The following RBM20 variants were observed in gnomAD, a reference collection of about 807,000 sequenced individuals.
RBM20 encodes the protein RNA binding motif protein 20.
In RBM20, 51 loss-of-function variants were observed where a neutral mutation model predicts 110.1. The observed-to-expected ratio is 0.46, with a 90% CI of 0.37 to 0.59. RBM20 has a LOEUF of 0.59. RBM20 is among the 20% of genes least tolerant of loss of function. RBM20 has a pLI of 0.00. For synonymous variants in RBM20, 589 were observed against 618.2 expected, an observed-to-expected ratio of 0.95 and a Z score of 0.70; for missense variants, 1,512 against 1,574.9, an observed-to-expected ratio of 0.96 and a Z score of 0.68.
At chr10:110,718,500 T>C (rs559802866) in intron 1 of RBM20, among the ~76,000 whole-genome samples, 2 of 152,210 alleles carry the variant, frequency 1.3e-5, no homozygotes, top group South Asian at 4.1e-4. Flanking sequence ...AGATAGTTTG[T>C]TTTATTTTTT....
chr10:110,792,259 G>T (rs576107784), intron 5 of RBM20, among the ~76,000 whole-genome samples: 4 of 151,960 alleles, frequency 2.6e-5, no homozygotes, highest in Non-Finnish European at 5.9e-5. Context: ...TGGTGACATT[G>T]TACCTCTTCA....
At chr10:110,748,237 G>C (rs997114150) in intron 1 of RBM20, among the ~76,000 whole-genome samples, 2 of 152,182 alleles carry the variant, frequency 1.3e-5, no homozygotes, top group African/African-American at 2.4e-5. Flanking sequence ...CTAACCAAAA[G>C]AATGTGGGAA....
intron 1 of RBM20, among the ~76,000 whole-genome samples, chr10:110,700,734 G>A (rs1862744748): frequency 6.6e-6 from 1 of 152,104 alleles, no homozygotes; most frequent in Non-Finnish European, 1.5e-5. Flanking sequence ...ACCCTCTTTG[G>A]GCCAGGCACG....
intron 10 of RBM20, 71 bp from the exon 11 acceptor site, chr10:110,821,204 G>A (rs1844904219): frequency 1.5e-6 from 2 of 1,320,300 alleles, no homozygotes; most frequent in Non-Finnish European, 2.1e-6. Context: ...TGGTCCTTAT[G>A]GCCAAGTCTT....
At chr10:110,805,763 G>A (rs1391951460) in intron 7 of RBM20, among the ~76,000 whole-genome samples, 2 of 152,186 alleles carry the variant, frequency 1.3e-5, no homozygotes, top group African/African-American at 4.8e-5. Context: ...GGACTGCATG[G>A]GGCTTGGAAT....
intron 1 of RBM20, among the ~76,000 whole-genome samples, chr10:110,693,928 C>A (rs1237157011): frequency 6.6e-6 from 1 of 152,166 alleles, no homozygotes; most frequent in Non-Finnish European, 1.5e-5. Context: ...TGGTCCTTAG[C>A]CCATTTAATT....
At chr10:110,756,195 G>A (rs1249322549) in intron 1 of RBM20, among the ~76,000 whole-genome samples, 3 of 152,200 alleles carry the variant, frequency 2.0e-5, no homozygotes, top group Non-Finnish European at 4.4e-5. Flanking sequence ...AACCTTGAGT[G>A]TTAAGAATGA....
chr10:110,725,020 A>G (rs1224161567), intron 1 of RBM20, among the ~76,000 whole-genome samples: 1 of 152,196 alleles, frequency 6.6e-6, no homozygotes, highest in Non-Finnish European at 1.5e-5. Flanking sequence ...GGACTGTGAT[A>G]AACACTGTCA....
intron 1 of RBM20, among the ~76,000 whole-genome samples, chr10:110,697,534 T>C (rs1361479824): frequency 6.6e-6 from 1 of 152,268 alleles, no homozygotes; most frequent in Non-Finnish European, 1.5e-5. Context: ...GGCAGAGGGA[T>C]TGAGGTATTG....
At chr10:110,814,774 G>A (rs994438827) in intron 9 of RBM20, among the ~76,000 whole-genome samples, 1 of 152,186 alleles carries the variant, frequency 6.6e-6, no homozygotes, top group Non-Finnish European at 1.5e-5. Flanking sequence ...GATTACAGGC[G>A]TGAGCCGCCG....
intron 1 of RBM20, among the ~76,000 whole-genome samples, chr10:110,666,230 AAAGTTTCCGTAATAAAAAG>A (rs1354513394): frequency 6.6e-6 from 1 of 152,216 alleles, no homozygotes; most frequent in African/African-American, 2.4e-5. Context: ...GTATAATTTG[AAAGTTTCCGTAATAAAAAG>A]TTAAACAGAA....
chr10:110,746,958 T>C (rs1004715433), intron 1 of RBM20, among the ~76,000 whole-genome samples: 1 of 152,226 alleles, frequency 6.6e-6, no homozygotes, highest in Non-Finnish European at 1.5e-5. Context: ...TTTTCTACCC[T>C]CTGCACCATT....
chr10:110,804,805 A>G (rs950542368), intron 7 of RBM20, among the ~76,000 whole-genome samples: 20 of 152,366 alleles, frequency 1.3e-4, no homozygotes, highest in African/African-American at 4.8e-4. Context: ...TGAACTTGGA[A>G]TAATTTAAAC....
chr10:110,796,686 A>C (rs1844554695), intron 5 of RBM20, among the ~76,000 whole-genome samples: 1 of 152,168 alleles, frequency 6.6e-6, no homozygotes, highest in African/African-American at 2.4e-5. Context: ...CCAGGAGTTC[A>C]AGGCTGCAGT....
chr10:110,792,141 G>GTCTATCTA (rs55998629), intron 5 of RBM20, among the ~76,000 whole-genome samples: 302 of 147,736 alleles, frequency 2.0e-3, no homozygotes, highest in African/African-American at 3.5e-3. Context: ...TCCTCTATCT[G>GTCTATCTA]TCTATCTATC....
At chr10:110,682,768 C>A (rs1318779468) in intron 1 of RBM20, among the ~76,000 whole-genome samples, 2 of 152,160 alleles carry the variant, frequency 1.3e-5, no homozygotes, top group African/African-American at 4.8e-5. Context: ...AAGAATATTT[C>A]AGGGGAGCTA....
At chr10:110,671,075 C>G (rs1162521448) in intron 1 of RBM20, among the ~76,000 whole-genome samples, 2 of 152,206 alleles carry the variant, frequency 1.3e-5, no homozygotes, top group Non-Finnish European at 2.9e-5. Flanking sequence ...CCTGTGGCTG[C>G]CTCGAAGCCC....
At chr10:110,691,634 T>C (rs551079934) in intron 1 of RBM20, among the ~76,000 whole-genome samples, 27 of 152,348 alleles carry the variant, frequency 1.8e-4, no homozygotes, top group African/African-American at 6.3e-4. Context: ...TTTTTTGTTG[T>C]TGTTGAACTG....
In RBM20 at chr10:110,801,369, G is replaced by A. The variant is rs555682168; in HGVS notation, c.1800+1451G>A. ...TTTAACCTGGGAGGCAGAGGTTGCA[G>A]TGAGCCAAGATTGTGCCACTGCACT... is the stretch of plus-strand genomic sequence containing the variant. On this transcript the variant is annotated intron_variant, in intron 7 of 13. Transcript: ENST00000369519. Among the ~76,000 whole-genome samples the A allele has an allele frequency of 1.3e-4, 19 of 151,886 alleles. 1 individual carries two copies. In the East Asian group the frequency reaches 3.7e-3, roughly 29 times the overall value.
Sources: gnomAD v4.1 joint callset for allele counts (sites outside exome capture counted in the v4.1 genomes callset) on GRCh38, gnomAD v4.1.1 for gene constraint, MANE v1.5 for transcripts, NCBI Gene and HGNC (gene_info 2026-07-23, HGNC 2026-07-21) for gene names.